SORL1-AS1: variants seen among roughly 807,000 people sequenced by gnomAD.
SORL1-AS1 encodes the protein lncRNA 51 A.
At chr11:121,440,962 C>A in the SORL1-AS1 span, among the ~76,000 whole-genome samples, 359 of 152,270 alleles carry the variant, frequency 2.4e-3, 1 homozygote, top group African/African-American at 8.3e-3. Context: ...TTGGCTGTGG[C>A]CCTTATGATG....
exon 2 of SORL1-AS1, chr11:121,448,739 G>T (rs549337359): frequency 6.6e-6 from 1 of 152,182 alleles, no homozygotes; most frequent in Non-Finnish European, 1.5e-5. Flanking sequence ...GGCACTGGGC[G>T]TCTAGACTTG....
At chr11:121,442,496 G>A (rs111266838), downstream of SORL1-AS1, among the ~76,000 whole-genome samples, 3,220 of 151,510 alleles carry the variant, frequency 0.021, 103 homozygotes, top group African/African-American at 0.073. Flanking sequence ...TTAACTGGGC[G>A]TGGTGGCACG....
At position 121,452,339 on chromosome 11, in the gene SORL1-AS1, C is replaced by A; in HGVS notation, n.339+336G>T. 1 of 1,544,424 alleles carries A rather than the reference C, an allele frequency of 6.5e-7. No individual in the cohort carries two copies. ...AGTAGCGTTCGCCCGAACATGGCGA[C>A]ACGGAGCAGCAGGAGGGAGTCGCGA... On this transcript the variant is annotated intron_variant and non_coding_transcript_variant, in intron 1 of 1. Coordinates refer to ENST00000501964, the Ensembl canonical transcript of SORL1-AS1. The surrounding 1 kb of genome is among the most constrained non-coding windows in gnomAD (Gnocchi z 5.3).
chr11:121,445,328 C>A (rs913917173), downstream of SORL1-AS1, among the ~76,000 whole-genome samples: 8 of 152,166 alleles, frequency 5.3e-5, no homozygotes, highest in Non-Finnish European at 5.9e-5. Context: ...GCAAAAGTGG[C>A]ATTTGGAACA....
chr11:121,451,815 A>G (rs1860797048), intron 1 of SORL1-AS1, among the ~76,000 whole-genome samples: 2 of 151,914 alleles, frequency 1.3e-5, no homozygotes, highest in African/African-American at 2.4e-5. Flanking sequence ...TCTTCCCTGG[A>G]GGTGGGGATG....
At position 121,452,319 on chromosome 11, in the gene SORL1-AS1, C is replaced by T. The variant is rs1198614926; in HGVS notation, n.339+356G>A. 3.3e-6 allele frequency: 5 copies of T among 1,522,414 alleles called. No individual in the cohort carries two copies. The Admixed American group carries it at 6.3e-5, about 19-fold the overall frequency. The allele number at this position is 1,522,414 out of a possible 1,614,324, so 94.3% of individuals were successfully genotyped here. On this transcript the variant is annotated intron_variant and non_coding_transcript_variant, in intron 1 of 1. Transcript: ENST00000501964. The surrounding 1 kb of genome is among the most constrained non-coding windows in gnomAD (Gnocchi z 5.3). Reference sequence around the variant, plus strand: ...CTGGCGGCGGCGCCACCTGCAGTAGCGTTCGCCCGAACATGGCGACACGGA... The same window carrying T: ...CTGGCGGCGGCGCCACCTGCAGTAGTGTTCGCCCGAACATGGCGACACGGA...
At chr11:121,446,475 G>C (rs1389077589), downstream of SORL1-AS1, among the ~76,000 whole-genome samples, 3 of 152,126 alleles carry the variant, frequency 2.0e-5, no homozygotes, top group Non-Finnish European at 4.4e-5. Flanking sequence ...AGAAGGCCAG[G>C]CATGGTGGCT....
the SORL1-AS1 span, among the ~76,000 whole-genome samples, chr11:121,440,373 CTAAA>C: frequency 4.6e-5 from 7 of 152,090 alleles, no homozygotes; most frequent in Non-Finnish European, 1.0e-4. Context: ...GACCCTGTCT[CTAAA>C]TAAATAAATA....
At chr11:121,446,480 G>A (rs1373550136), downstream of SORL1-AS1, among the ~76,000 whole-genome samples, 2 of 152,132 alleles carry the variant, frequency 1.3e-5, no homozygotes, top group African/African-American at 4.8e-5. Context: ...GCCAGGCATG[G>A]TGGCTCATGC....
chr11:121,440,245 T>C, the SORL1-AS1 span, among the ~76,000 whole-genome samples: 4 of 152,164 alleles, frequency 2.6e-5, no homozygotes, highest in Non-Finnish European at 4.4e-5. Flanking sequence ...TGATGCTACA[T>C]GGCCTGTAAT....
the SORL1-AS1 span, among the ~76,000 whole-genome samples, chr11:121,440,959 T>G: frequency 6.6e-6 from 1 of 152,200 alleles, no homozygotes; most frequent in Non-Finnish European, 1.5e-5. Context: ...GTGTTGGCTG[T>G]GGCCCTTATG....
the SORL1-AS1 span, among the ~76,000 whole-genome samples, chr11:121,441,294 C>A: frequency 1.3e-5 from 2 of 151,134 alleles, no homozygotes; most frequent in East Asian, 1.9e-4. Flanking sequence ...GAGGCCGAGG[C>A]GGGCAGATCA....
In SORL1-AS1 at chr11:121,452,863, G is replaced by A. The variant is rs190474056; in HGVS notation, n.151C>T. 1 of 446,332 alleles carries A rather than the reference G, an allele frequency of 2.2e-6. No homozygotes were observed. Among genetic ancestry groups the A allele is most frequent in the Non-Finnish European group, 3.9e-6 (1 of 253,638 alleles). The allele number at this position is 446,332 out of a possible 1,614,324, so 27.6% of individuals were successfully genotyped here. On this transcript the variant is annotated non_coding_transcript_exon_variant, in exon 1 of 2. Transcript: ENST00000501964. This position sits in a 1 kb window ranked among gnomAD's most constrained non-coding sequence, Gnocchi z 5.3. ...CGGGTGCAGTGCGTATTACCCCAGG[G>A]TGTGTGCAGAGAGATGTAGTTTCCG...
the SORL1-AS1 span, among the ~76,000 whole-genome samples, chr11:121,442,143 G>A: frequency 8.5e-5 from 13 of 152,316 alleles, no homozygotes; most frequent in Admixed American, 3.3e-4. Flanking sequence ...ACAGGCAGAT[G>A]TTTATTAAGT....
rs758724726 is a variant in SORL1-AS1, at chr11:121,450,526, G to A, written n.340-627C>T. Reference sequence around the variant, plus strand: ...GAGCTGAATTGCACAATATGAGCAAGGCGTTCCTCTCAGCTTCAAAACCAG... The same window carrying A: ...GAGCTGAATTGCACAATATGAGCAAAGCGTTCCTCTCAGCTTCAAAACCAG... On this transcript the variant is annotated intron_variant and non_coding_transcript_variant, in intron 1 of 1. Transcript: ENST00000501964. This position sits in a 1 kb window ranked among gnomAD's most constrained non-coding sequence, Gnocchi z 5.2. Among the ~76,000 whole-genome samples, 2 of 152,064 alleles carry A rather than the reference G, an allele frequency of 1.3e-5. No homozygotes were observed. Among genetic ancestry groups the A allele is most frequent in the African/African-American group, 4.8e-5 (2 of 41,394 alleles).
exon 2 of SORL1-AS1, chr11:121,447,923 C>A (rs1195826310): frequency 6.6e-6 from 1 of 152,170 alleles, no homozygotes. Flanking sequence ...CCACTATACC[C>A]AGGACTTGAA....
At chr11:121,444,877 T>C (rs1391511856), downstream of SORL1-AS1, among the ~76,000 whole-genome samples, 1 of 152,210 alleles carries the variant, frequency 6.6e-6, no homozygotes, top group Non-Finnish European at 1.5e-5. Context: ...CAAAGAAAAT[T>C]CATACACAAA....
Position 121,452,316 on chromosome 11 carries a change from T to G in SORL1-AS1, n.339+359A>C. 1 of 1,517,290 alleles carries G rather than the reference T, an allele frequency of 6.6e-7. No homozygotes were observed. 94.0% of individuals were successfully genotyped at this position (1,517,290 alleles called of 1,614,324 possible). ...CTCCTGGCGGCGGCGCCACCTGCAG[T>G]AGCGTTCGCCCGAACATGGCGACAC... On this transcript the variant is annotated intron_variant and non_coding_transcript_variant, in intron 1 of 1. Coordinates refer to ENST00000501964, the Ensembl canonical transcript of SORL1-AS1. The surrounding 1 kb of genome is among the most constrained non-coding windows in gnomAD (Gnocchi z 5.3).
chr11:121,452,530 AG>A lies in SORL1-AS1; in HGVS notation n.339+144del. ...GCGGCTGTGGGCGCGCGGGGATGCC[AG>A]GGGGGCGAGCCGCGCGGACGAGAAG... is the stretch of plus-strand genomic sequence containing the variant. On this transcript the variant is annotated intron_variant and non_coding_transcript_variant, in intron 1 of 1. Coordinates refer to ENST00000501964, the Ensembl canonical transcript of SORL1-AS1. This position sits in a 1 kb window ranked among gnomAD's most constrained non-coding sequence, Gnocchi z 5.3. The A allele has an allele frequency of 6.7e-7, 1 of 1,483,840 alleles. No individual in the cohort carries two copies. The highest frequency in any genetic ancestry group is 8.9e-7 in the Non-Finnish European group (1 of 1,122,744). The allele number at this position is 1,483,840 out of a possible 1,614,324, so 91.9% of individuals were successfully genotyped here.
Sources: gnomAD v4.1 joint callset for allele counts (sites outside exome capture counted in the v4.1 genomes callset) on GRCh38, gnomAD v4.1.1 for gene constraint, Gnocchi (gnomAD v3.1) non-coding constraint, MANE v1.5 for transcripts, NCBI Gene and HGNC (gene_info 2026-07-23, HGNC 2026-07-21) for gene names.